The following NCAPD3 variants were observed in gnomAD, a reference collection of about 807,000 sequenced individuals.
NCAPD3 encodes condensin-2 complex subunit D3.
A neutral mutation model predicts 182.9 loss-of-function variants in NCAPD3; 105 were observed. The observed-to-expected ratio is 0.57, with a 90% CI of 0.49 to 0.68. The LOEUF (loss-of-function observed/expected upper bound fraction) is 0.68, where lower values mean the gene tolerates loss of function less well. NCAPD3 is among the 30% of genes least tolerant of loss of function. The pLI is 0.00. For synonymous variants in NCAPD3, 815 were observed against 679.9 expected, an observed-to-expected ratio of 1.20 and a Z score of -3.09; for missense variants, 1,944 against 1,837.0, an observed-to-expected ratio of 1.06 and a Z score of -1.07.
intron 13 of NCAPD3, among the ~76,000 whole-genome samples, chr11:134,197,084 G>T (rs998148012): frequency 1.3e-5 from 2 of 151,886 alleles, no homozygotes; most frequent in Admixed American, 1.3e-4. Context: ...AAAAGTGTGT[G>T]GCACCTTCCC....
intron 2 of NCAPD3, among the ~76,000 whole-genome samples, 184 bp from the exon 3 acceptor site, chr11:134,217,282 T>C (rs1938064324): frequency 6.6e-6 from 1 of 152,212 alleles, no homozygotes; most frequent in Admixed American, 6.5e-5. Flanking sequence ...AGGTATATTA[T>C]TCAAAATTAC....
chr11:134,166,725 T>A, intron 27 of NCAPD3, among the ~76,000 whole-genome samples: 1 of 105,974 alleles, frequency 9.4e-6, no homozygotes, highest in South Asian at 3.9e-4. Context: ...AGCAGCACAC[T>A]CACTTGTGAG....
intron 27 of NCAPD3, among the ~76,000 whole-genome samples, chr11:134,164,311 G>A (rs1354543762): frequency 6.6e-6 from 1 of 152,246 alleles, no homozygotes; most frequent in Non-Finnish European, 1.5e-5. Flanking sequence ...GCAGAAAGAA[G>A]AGATGACTGA....
chr11:134,220,863 G>A (rs1938202803), intron 1 of NCAPD3, 137 bp from the exon 2 acceptor site: 1 of 747,536 alleles, frequency 1.3e-6, no homozygotes, highest in Non-Finnish European at 2.1e-6. Flanking sequence ...AATAACATAG[G>A]TGTAGCATAA....
chr11:134,159,784 GACTA>G (rs1791686593), intron 29 of NCAPD3, 104 bp downstream of exon 29: 1 of 1,256,010 alleles, frequency 8.0e-7, no homozygotes, highest in African/African-American at 1.5e-5. Context: ...CCTTCGGGCT[GACTA>G]ACCTCTGATG....
chr11:134,220,419 G>A (rs1306224410), intron 2 of NCAPD3, 153 bp downstream of exon 2: 2 of 691,208 alleles, frequency 2.9e-6, no homozygotes, highest in East Asian at 5.6e-5. Flanking sequence ...AAGCTCTTAG[G>A]ATATTCCAAT....
rs1943249774 is a variant in NCAPD3 at position 134,151,907 on chromosome 11, G to A, written c.*1037C>T. ...AGGAGGTCAGCCTGTGTGCTCAAGA[G>A]CAGTGCTGCGCCTCTCCGCCACCGA... On this transcript the variant is annotated 3_prime_UTR_variant, in exon 35 of 35. Coordinates refer to ENST00000534548, the MANE Select transcript of NCAPD3 (RefSeq NM_015261.3). 6.6e-6 allele frequency: 1 copy of A among 152,166 alleles called. No individual in the cohort carries two copies. The highest frequency in any genetic ancestry group is 2.1e-4 in the South Asian group (1 of 4,822). The allele number at this position is 152,166 out of a possible 1,614,324, so 9.4% of individuals were successfully genotyped here.
rs981397153 is a variant in NCAPD3 at position 134,165,048 on chromosome 11, CACTT to C, written c.3573+2944_3573+2947del. 1.3e-4 allele frequency among the ~76,000 whole-genome samples: 19 copies of C among 148,494 alleles called. No homozygotes were observed. In the East Asian group the frequency reaches 1.4e-3, roughly 11 times the overall value. ...GAGATGAGCTTAGAGGAGCTGCACA[CACTT>C]AGATTAGCTGAGGGGGAGCGGCACA... is the stretch of plus-strand genomic sequence containing the variant. On this transcript the variant is annotated intron_variant, in intron 27 of 34. Transcript: ENST00000534548.
intron 15 of NCAPD3, among the ~76,000 whole-genome samples, chr11:134,193,409 CT>C (rs1221077130): frequency 6.6e-6 from 1 of 152,176 alleles, no homozygotes; most frequent in Non-Finnish European, 1.5e-5. Context: ...ATCTAGGCCT[CT>C]AGCTTAACCA....
chr11:134,179,327 GTGGC>G (rs1944242020), intron 20 of NCAPD3, among the ~76,000 whole-genome samples: 1 of 151,984 alleles, frequency 6.6e-6, no homozygotes, highest in Non-Finnish European at 1.5e-5. Flanking sequence ...CTATAGTCAC[GTGGC>G]TTTATGTTTA....
intron 13 of NCAPD3, among the ~76,000 whole-genome samples, chr11:134,198,534 G>A (rs139214172): frequency 1.2e-4 from 18 of 152,200 alleles, no homozygotes; most frequent in African/African-American, 3.1e-4. Context: ...GCTGTGTCAC[G>A]GGCCATGGTC....
At chr11:134,209,896 A>T (rs902456556) in intron 4 of NCAPD3, among the ~76,000 whole-genome samples, 2 of 152,118 alleles carry the variant, frequency 1.3e-5, no homozygotes, top group African/African-American at 4.8e-5. Flanking sequence ...CTCTACAAAA[A>T]AATGCAAAAA....
At chr11:134,179,601 A>G (rs546630733) in intron 20 of NCAPD3, among the ~76,000 whole-genome samples, 2 of 152,322 alleles carry the variant, frequency 1.3e-5, no homozygotes, top group African/African-American at 4.8e-5. Context: ...CTCTTTCCTC[A>G]GAAGTAAAAT....
rs1489593681 is a variant in NCAPD3 at position 134,150,410 on chromosome 11, T to G, written c.*2534A>C. The G allele has an allele frequency of 1.3e-5, 2 of 152,274 alleles. No homozygotes were observed. 9.4% of individuals were successfully genotyped at this position (152,274 alleles called of 1,614,324 possible). On this transcript the variant is annotated 3_prime_UTR_variant, in exon 35 of 35. Coordinates refer to ENST00000534548, the MANE Select transcript of NCAPD3 (RefSeq NM_015261.3). ...CTGGGGTTGCGCCAGGCGCCCCCGC[T>G]CTAGCTCACTGTTGCCTCGCTGTCT...
Position 134,204,927 on chromosome 11 carries a change from C to A in NCAPD3, c.1061G>T (p.Arg354Leu). 6.2e-7 allele frequency: 1 copy of A among 1,613,420 alleles called. No individual in the cohort carries two copies. Among genetic ancestry groups the A allele is most frequent in the Non-Finnish European group, 8.5e-7 (1 of 1,179,520 alleles). The change falls in exon 9 of 35, where the codon CGT (arginine) becomes CTT (leucine). Residue 354 changes from arginine to leucine, a missense_variant. Arg to Leu is a moderately radical substitution (Grantham distance 102). This residue lies in a region of NCAPD3 where 1,803 missense variants were observed against 1,674.6 expected (regional missense o/e 1.08). Transcript: ENST00000534548. The surrounding 1 kb of genome is among the most constrained non-coding windows in gnomAD (Gnocchi z 4.3). ...GGCACAGATGTGCTGCAGTAAGATA[C>A]GGACGACTGGGAATATACTCTCCTT... is the stretch of plus-strand genomic sequence containing the variant. ...ELKESIFPVV[R>L]ILLQHICAKV...
Position 134,168,165 on chromosome 11 carries a change from T to C in NCAPD3, c.3404A>G (p.Asp1135Gly). The change falls in exon 27 of 35, where the codon GAC (aspartate) becomes GGC (glycine). Residue 1135 changes from aspartate to glycine, a missense_variant. Transcript: ENST00000534548. ...TGAGAGTAACTCACTGGCGTCCAGG[T>C]CCAGGGGTAGGATGCCATCAGCAAA... ...ACFADGILPL[D>G]LDASELLSDT... The C allele has an allele frequency of 1.2e-6, 2 of 1,614,068 alleles. No homozygotes were observed. Among genetic ancestry groups the C allele is most frequent in the Non-Finnish European group, 1.7e-6 (2 of 1,179,970 alleles).
intron 16 of NCAPD3, among the ~76,000 whole-genome samples, chr11:134,187,050 C>T (rs182135946): frequency 2.0e-3 from 298 of 152,304 alleles, no homozygotes; most frequent in Non-Finnish European, 3.5e-3. Flanking sequence ...AAATCTCAAA[C>T]TTGGCTCCTC....
rs146098679 is a variant in NCAPD3 at position 134,204,823 on chromosome 11, TCACACACA to T, written c.1089+68_1089+75del. ...CATTCCCAAGAACAAATACCCACAC[TCACACACA>T]CACACACACATTTATCTTCACACAC... is the stretch of plus-strand genomic sequence containing the variant. On this transcript the variant is annotated intron_variant, in intron 9 of 34. Coordinates refer to ENST00000534548, the MANE Select transcript of NCAPD3 (RefSeq NM_015261.3). This position sits in a 1 kb window ranked among gnomAD's most constrained non-coding sequence, Gnocchi z 4.3. 5 of 1,099,596 alleles carry T rather than the reference TCACACACA, an allele frequency of 4.5e-6. No homozygotes were observed. The highest frequency in any genetic ancestry group is 2.6e-5 in the East Asian group (1 of 38,412). 68.1% of individuals were successfully genotyped at this position (1,099,596 alleles called of 1,614,324 possible). A position where few individuals can be genotyped will look rare whatever the true frequency, so the allele number is the denominator to read the frequency against.
chr11:134,182,396 C>A (rs1347183567), intron 19 of NCAPD3, among the ~76,000 whole-genome samples: 1 of 152,174 alleles, frequency 6.6e-6, no homozygotes, highest in Non-Finnish European at 1.5e-5. Flanking sequence ...CTGGGAATAC[C>A]AAATAAATCC....
Sources: allele counts gnomAD v4.1 joint callset (sites outside exome capture counted in the v4.1 genomes callset), GRCh38; gene constraint gnomAD v4.1.1; regional missense constraint gnomAD v4.1.1; non-coding constraint Gnocchi (gnomAD v3.1); transcripts MANE v1.5; gene names NCBI Gene and HGNC (gene_info 2026-07-23, HGNC 2026-07-21).